NEMP2: variants seen among roughly 807,000 people sequenced by gnomAD.
NEMP2 encodes the protein UPF0571 transmembrane protein.
NEMP2 carries 53 observed loss-of-function variants against 54.2 expected under a neutral mutation model. That is an observed-to-expected ratio of 0.98 (90% CI 0.78 to 1.23). The LOEUF is 1.23. Among genes scored for constraint, NEMP2 ranks in the 50% most tolerant of loss-of-function variants. NEMP2 has a pLI of 0.00. For missense variants in NEMP2, 455 were observed against 511.3 expected (o/e 0.89, Z 1.06); for synonymous variants, 197 against 190.3 (o/e 1.04, Z -0.29).
chr2:190,557,233 C>T, the NEMP2 span, among the ~76,000 whole-genome samples: 3 of 152,134 alleles, frequency 2.0e-5, no homozygotes, highest in Non-Finnish European at 2.9e-5. Flanking sequence ...GGAAACAATT[C>T]CCTATTTAAT....
chr2:190,635,846 A>G, the NEMP2 span, among the ~76,000 whole-genome samples: 1 of 151,978 alleles, frequency 6.6e-6, no homozygotes, highest in Non-Finnish European at 1.5e-5. The surrounding 1 kb of genome is among the most constrained non-coding windows in gnomAD (Gnocchi z 4.1). Context: ...ACCAATTTAT[A>G]CTCTTAACAG....
the NEMP2 span, among the ~76,000 whole-genome samples, chr2:190,452,293 A>G: frequency 3.9e-5 from 6 of 152,306 alleles, no homozygotes; most frequent in South Asian, 1.2e-3. Context: ...CAACAATAAC[A>G]AAACTCTAAT....
rs931391080 is a variant in NEMP2 at position 190,521,930 on chromosome 2, C to T, written c.214-2747G>A. ...CAGGCTTAGCCATTGGTCCTCTTCTCTTCTCCATCTAAACTCACTCAGTTT... is the reference window on the plus strand; with the variant it reads ...CAGGCTTAGCCATTGGTCCTCTTCTTTTCTCCATCTAAACTCACTCAGTTT... On this transcript the variant is annotated intron_variant, in intron 2 of 8. Coordinates refer to ENST00000409150, the MANE Select transcript of NEMP2 (RefSeq NM_001142645.2). This position sits in a 1 kb window ranked among gnomAD's most constrained non-coding sequence, Gnocchi z 6.2. Among the ~76,000 whole-genome samples the T allele has an allele frequency of 1.3e-5, 2 of 152,102 alleles. No individual in the cohort carries two copies. The highest frequency in any genetic ancestry group is 4.8e-5 in the African/African-American group (2 of 41,406).
rs1432876273 is a variant in NEMP2, at chr2:190,512,195, T to A, written c.954-1658A>T. ...TTTGAGATTTATTCACTATATGAAC[T>A]TGGGGAATTCCTTAACAGTTCAGAG... On this transcript the variant is annotated intron_variant, in intron 7 of 8. Coordinates refer to ENST00000409150, the MANE Select transcript of NEMP2 (RefSeq NM_001142645.2). This position sits in a 1 kb window ranked among gnomAD's most constrained non-coding sequence, Gnocchi z 4.5. 6.6e-6 allele frequency among the ~76,000 whole-genome samples: 1 copy of A among 152,088 alleles called. No homozygotes were observed. Among genetic ancestry groups the A allele is most frequent in the African/African-American group, 2.4e-5 (1 of 41,432 alleles).
chr2:190,554,130 C>T, the NEMP2 span, among the ~76,000 whole-genome samples: 1 of 152,216 alleles, frequency 6.6e-6, no homozygotes, highest in Non-Finnish European at 1.5e-5. This position sits in a 1 kb window ranked among gnomAD's most constrained non-coding sequence, Gnocchi z 5.7. Flanking sequence ...GGCCCAGATA[C>T]TGCGCTTTTC....
At chr2:190,542,561 C>G in the NEMP2 span, among the ~76,000 whole-genome samples, 2 of 151,982 alleles carry the variant, frequency 1.3e-5, no homozygotes, top group Admixed American at 1.3e-4. The surrounding 1 kb of genome is among the most constrained non-coding windows in gnomAD (Gnocchi z 4.6). Flanking sequence ...GGTGATCTTC[C>G]TTTTCATTGT....
the NEMP2 span, chr2:190,497,607 C>T: frequency 6.2e-7 from 1 of 1,614,150 alleles, no homozygotes; most frequent in Admixed American, 1.7e-5. This position sits in a 1 kb window ranked among gnomAD's most constrained non-coding sequence, Gnocchi z 5.2. Flanking sequence ...AACAAACCAG[C>T]CTGGGGAGTC....
chr2:190,469,026 C>A, the NEMP2 span, among the ~76,000 whole-genome samples: 1 of 152,186 alleles, frequency 6.6e-6, no homozygotes, highest in South Asian at 2.1e-4. This position sits in a 1 kb window ranked among gnomAD's most constrained non-coding sequence, Gnocchi z 5.3. Flanking sequence ...TTGGGTGCAC[C>A]ACTTCAGGCC....
At position 190,512,909 on chromosome 2, in the gene NEMP2, C is replaced by A. The variant is rs1301620644; in HGVS notation, c.953+1544G>T. ...GTGCAATTTTAACCCTGTGATATTG[C>A]CACACACACACACAGTCACCAGTTC... is the stretch of plus-strand genomic sequence containing the variant. On this transcript the variant is annotated intron_variant, in intron 7 of 8. Coordinates refer to ENST00000409150, the MANE Select transcript of NEMP2 (RefSeq NM_001142645.2). This position sits in a 1 kb window ranked among gnomAD's most constrained non-coding sequence, Gnocchi z 4.5. Among the ~76,000 whole-genome samples the A allele has an allele frequency of 6.6e-6, 1 of 151,896 alleles. No individual in the cohort carries two copies. Among genetic ancestry groups the A allele is most frequent in the Admixed American group, 6.6e-5 (1 of 15,262 alleles).
chr2:190,511,557 T>A (rs1690366652), intron 7 of NEMP2, among the ~76,000 whole-genome samples: 1 of 109,706 alleles, frequency 9.1e-6, no homozygotes, highest in South Asian at 3.0e-4. Flanking sequence ...AATTTAATTT[T>A]TTTTTTTTTT....
At chr2:190,516,840 C>T (rs1389856453) in intron 5 of NEMP2, among the ~76,000 whole-genome samples, 1 of 152,122 alleles carries the variant, frequency 6.6e-6, no homozygotes, top group Non-Finnish European at 1.5e-5. Flanking sequence ...CCTGTATTTG[C>T]AGCTCTTTGG....
chr2:190,588,525 C>T, the NEMP2 span, among the ~76,000 whole-genome samples: 1 of 152,064 alleles, frequency 6.6e-6, no homozygotes, highest in Non-Finnish European at 1.5e-5. The surrounding 1 kb of genome is among the most constrained non-coding windows in gnomAD (Gnocchi z 5.0). Flanking sequence ...CAGAACCTAC[C>T]TAGACCTGTG....
chr2:190,510,261 A>G lies in NEMP2; in HGVS notation c.1130+100T>C. On this transcript the variant is annotated intron_variant, in intron 8 of 8. Transcript: ENST00000409150. This position sits in a 1 kb window ranked among gnomAD's most constrained non-coding sequence, Gnocchi z 5.7. ...TCCACATCATCTGTTATCCAGGGAAACAGTCTATTTCTACCCTGAAGTGCC... is the reference window on the plus strand; with the variant it reads ...TCCACATCATCTGTTATCCAGGGAAGCAGTCTATTTCTACCCTGAAGTGCC... 2.9e-6 allele frequency: 4 copies of G among 1,366,384 alleles called. No individual in the cohort carries two copies. Among genetic ancestry groups the G allele is most frequent in the Admixed American group, 2.3e-5 (1 of 43,246 alleles). 84.6% of individuals were successfully genotyped at this position (1,366,384 alleles called of 1,614,324 possible).
At chr2:190,633,392 C>A in the NEMP2 span, among the ~76,000 whole-genome samples, 2 of 150,514 alleles carry the variant, frequency 1.3e-5, no homozygotes, top group African/African-American at 2.5e-5. Context: ...TGGCTCACTG[C>A]AGCCTCTGCG....
chr2:190,609,069 C>T, the NEMP2 span: 3 of 152,176 alleles, frequency 2.0e-5, no homozygotes, highest in East Asian at 1.9e-4. The surrounding 1 kb of genome is among the most constrained non-coding windows in gnomAD (Gnocchi z 4.7). Flanking sequence ...TGCTATTTCT[C>T]GTGGCCCAAT....
At chr2:190,626,283 A>G in the NEMP2 span, 1 of 152,206 alleles carries the variant, frequency 6.6e-6, no homozygotes, top group Non-Finnish European at 1.5e-5. The surrounding 1 kb of genome is among the most constrained non-coding windows in gnomAD (Gnocchi z 4.5). Context: ...TTCAGTCCAT[A>G]GTAGTGACAT....
At chr2:190,495,068 T>C in the NEMP2 span, among the ~76,000 whole-genome samples, 2 of 152,124 alleles carry the variant, frequency 1.3e-5, no homozygotes, top group Non-Finnish European at 2.9e-5. This position sits in a 1 kb window ranked among gnomAD's most constrained non-coding sequence, Gnocchi z 4.7. Flanking sequence ...CTGTCGCTGT[T>C]TGCTGATGAT....
chr2:190,572,873 A>ATATATATATATATATATATATG, the NEMP2 span, among the ~76,000 whole-genome samples: 7 of 110,314 alleles, frequency 6.3e-5, no homozygotes, highest in Non-Finnish European at 1.1e-4. Flanking sequence ...ATATATATAT[A>ATATATATATATATATATATATG]TATGTATATA....
the NEMP2 span, chr2:190,489,928 G>A: frequency 1.5e-6 from 2 of 1,319,000 alleles, no homozygotes; most frequent in Non-Finnish European, 2.0e-6. The surrounding 1 kb of genome is among the most constrained non-coding windows in gnomAD (Gnocchi z 6.6). Context: ...GTCAACAAAT[G>A]CCCCGAGAAG....
Sources: gnomAD v4.1 joint callset for allele counts (sites outside exome capture counted in the v4.1 genomes callset) on GRCh38, gnomAD v4.1.1 for gene constraint, Gnocchi (gnomAD v3.1) non-coding constraint, MANE v1.5 for transcripts, NCBI Gene and HGNC (gene_info 2026-07-23, HGNC 2026-07-21) for gene names.